The following RASSF3 variants were observed in gnomAD, a reference collection of about 807,000 sequenced individuals.
RASSF3 encodes Ras association domain family member 3.
In RASSF3, 19 loss-of-function variants were observed where a neutral mutation model predicts 19.9. That is an observed-to-expected ratio of 0.96 (90% CI 0.67 to 1.40). RASSF3 has a LOEUF of 1.40. Among genes scored for constraint, RASSF3 ranks in the 40% most tolerant of loss-of-function variants. The probability of loss-of-function intolerance (pLI) is 0.00; values close to 1 mark genes in which losing one functional copy is unlikely to be tolerated. For missense variants in RASSF3, 306 were observed against 289.8 expected, an observed-to-expected ratio of 1.06 and a Z score of -0.41; for synonymous variants, 110 against 104.2, an observed-to-expected ratio of 1.06 and a Z score of -0.34.
At chr12:64,648,028 C>T (rs1871802290) in intron 1 of RASSF3, among the ~76,000 whole-genome samples, 1 of 152,170 alleles carries the variant, frequency 6.6e-6, no homozygotes, top group Non-Finnish European at 1.5e-5. Context: ...TTGGTGGTAC[C>T]AGCCTTTGTG....
downstream of RASSF3, among the ~76,000 whole-genome samples, chr12:64,542,075 G>A (rs1019982882): frequency 2.6e-5 from 4 of 151,762 alleles, no homozygotes; most frequent in Admixed American, 1.3e-4. Context: ...TTTTTAATCC[G>A]ATGAAGAGCC....
rs143056624 is a variant in RASSF3, at chr12:64,687,026, G to A, written c.220-1190G>A. Reference sequence around the variant, plus strand: ...TTGTTTTTGAGATGCAGTCTCTGTCGCCCAGGCTGAAGTGTAATGGCGTAA... The same window carrying A: ...TTGTTTTTGAGATGCAGTCTCTGTCACCCAGGCTGAAGTGTAATGGCGTAA... On this transcript the variant is annotated intron_variant, in intron 2 of 4. Transcript: ENST00000542104. Among the ~76,000 whole-genome samples, 21 of 152,082 alleles carry A rather than the reference G, an allele frequency of 1.4e-4. No individual in the cohort carries two copies. In the East Asian group the frequency reaches 3.7e-3, roughly 27 times the overall value.
intron 2 of RASSF3, among the ~76,000 whole-genome samples, chr12:64,571,775 T>C (rs1007930856): frequency 1.3e-5 from 2 of 152,128 alleles, no homozygotes; most frequent in Non-Finnish European, 2.9e-5. Context: ...GGGGAACAAA[T>C]TCTGTCCATA....
At chr12:64,579,015 T>C (rs1394852951) in intron 2 of RASSF3, among the ~76,000 whole-genome samples, 1 of 152,026 alleles carries the variant, frequency 6.6e-6, no homozygotes, top group Admixed American at 6.6e-5. Flanking sequence ...TAATCCCAGC[T>C]ACTTGGGAGG....
intron 1 of RASSF3, among the ~76,000 whole-genome samples, chr12:64,670,540 CTCTCT>C (rs1411184228): frequency 1.1e-4 from 13 of 120,536 alleles, no homozygotes; most frequent in South Asian, 1.0e-3. Flanking sequence ...GTTTCTCTCT[CTCTCT>C]TTTTTTTTTT....
At chr12:64,625,794 A>G (rs1870967694) in intron 1 of RASSF3, among the ~76,000 whole-genome samples, 1 of 152,122 alleles carries the variant, frequency 6.6e-6, no homozygotes, top group South Asian at 2.1e-4. Context: ...TGAGGGTTTC[A>G]GCGATACTGG....
chr12:64,656,213 AGTACTTGCTAT>A (rs1872153250), intron 1 of RASSF3, among the ~76,000 whole-genome samples: 1 of 152,098 alleles, frequency 6.6e-6, no homozygotes, highest in African/African-American at 2.4e-5. Context: ...TGGACTCTTA[AGTACTTGCTAT>A]GTACTGTGGG....
intron 1 of RASSF3, among the ~76,000 whole-genome samples, chr12:64,682,855 C>A (rs867281485): frequency 4.9e-4 from 75 of 152,304 alleles, no homozygotes; most frequent in African/African-American, 1.6e-3. Flanking sequence ...AGGAGTAAAT[C>A]ATTGGATTTT....
At chr12:64,566,631 A>C (rs1869436364) in intron 2 of RASSF3, among the ~76,000 whole-genome samples, 1 of 152,198 alleles carries the variant, frequency 6.6e-6, no homozygotes, top group Non-Finnish European at 1.5e-5. Flanking sequence ...AAATGGCAAC[A>C]CTGAGAAGTC....
intron 2 of RASSF3, among the ~76,000 whole-genome samples, chr12:64,563,715 G>C (rs553200683): frequency 1.3e-5 from 2 of 152,140 alleles, no homozygotes; most frequent in African/African-American, 4.8e-5. Context: ...CATTCTGCCT[G>C]GAATATTCTC....
chr12:64,566,110 A>G (rs1869426788), intron 2 of RASSF3, among the ~76,000 whole-genome samples: 1 of 151,428 alleles, frequency 6.6e-6, no homozygotes, highest in Non-Finnish European at 1.5e-5. Flanking sequence ...CTGAGGCAGG[A>G]GAATCGTTTG....
At chr12:64,571,343 C>T (rs1435279174) in intron 2 of RASSF3, among the ~76,000 whole-genome samples, 1 of 152,188 alleles carries the variant, frequency 6.6e-6, no homozygotes, top group Non-Finnish European at 1.5e-5. Flanking sequence ...AGAAGAGGGG[C>T]TGTCGCTTTT....
chr12:64,619,719 C>T (rs1870677734), intron 1 of RASSF3, among the ~76,000 whole-genome samples: 1 of 151,948 alleles, frequency 6.6e-6, no homozygotes, highest in South Asian at 2.1e-4. Flanking sequence ...TGGTGGCTCA[C>T]GCCTGTAATC....
intron 1 of RASSF3, among the ~76,000 whole-genome samples, chr12:64,522,974 G>C (rs929609868): frequency 3.3e-5 from 5 of 152,208 alleles, no homozygotes; most frequent in African/African-American, 1.2e-4. Context: ...CATCCCCCAA[G>C]CCCAAGTCAT....
intron 2 of RASSF3, among the ~76,000 whole-genome samples, chr12:64,590,746 A>G (rs999052673): frequency 6.6e-5 from 10 of 152,168 alleles, no homozygotes; most frequent in African/African-American, 2.2e-4. Context: ...GTTGGCTGAT[A>G]GGAAACCCTG....
chr12:64,631,543 GTAT>G (rs1357576006), intron 1 of RASSF3, among the ~76,000 whole-genome samples: 1 of 87,200 alleles, frequency 1.1e-5, no homozygotes, highest in African/African-American at 2.9e-5. Context: ...TGTAATGTAT[GTAT>G]GTATGTATGT....
intron 2 of RASSF3, among the ~76,000 whole-genome samples, chr12:64,582,994 C>A (rs1352785092): frequency 1.3e-5 from 2 of 152,040 alleles, no homozygotes; most frequent in African/African-American, 2.4e-5. Flanking sequence ...CAGCATAAAC[C>A]CTGGACCTGG....
At chr12:64,616,779 C>A (rs1308578157) in intron 1 of RASSF3, among the ~76,000 whole-genome samples, 1 of 152,152 alleles carries the variant, frequency 6.6e-6, no homozygotes. Flanking sequence ...TATTACAAGG[C>A]CCCGCTTATT....
At chr12:64,521,280 C>T (rs1317532) in intron 1 of RASSF3, among the ~76,000 whole-genome samples, 90,832 of 151,998 alleles carry the variant, frequency 0.6, 27,717 homozygotes, top group Middle Eastern at 0.71. Context: ...GGTGATATCC[C>T]TTGATGGAGA....
Sources: gnomAD v4.1 joint callset for allele counts (sites outside exome capture counted in the v4.1 genomes callset) on GRCh38, gnomAD v4.1.1 for gene constraint, MANE v1.5 for transcripts, NCBI Gene and HGNC (gene_info 2026-07-23, HGNC 2026-07-21) for gene names.